Variants in TBX1 observed in about 807,000 individuals in gnomAD.
The protein encoded by TBX1 is T-box transcription factor TBX1.
In TBX1, 16 loss-of-function variants were observed where a neutral mutation model predicts 40.8. The ratio of observed to expected loss-of-function variants is 0.39; its 90% CI spans 0.27 to 0.60. TBX1 has a LOEUF of 0.60. Ranked by LOEUF, TBX1 falls within the 20% of genes least tolerant of loss-of-function variation. TBX1 has a pLI of 0.51. For synonymous variants in TBX1, 403 were observed against 336.8 expected (o/e 1.20, Z -2.15); for missense variants, 755 against 728.5 (o/e 1.04, Z -0.42).
At chr22:19,761,601 G>T (rs1253274663) in intron 1 of TBX1, among the ~76,000 whole-genome samples, 1 of 152,008 alleles carries the variant, frequency 6.6e-6, no homozygotes, top group East Asian at 1.9e-4. Context: ...CCAGAAACCG[G>T]CCCGGCTTGG....
chr22:19,766,063 G>T, intron 6 of TBX1, 61 bp downstream of exon 6: 1 of 1,352,498 alleles, frequency 7.4e-7, no homozygotes, highest in South Asian at 1.6e-5. Flanking sequence ...CCGGGCCGGC[G>T]GCCTCGCCCG....
intron 8 of TBX1, among the ~76,000 whole-genome samples, chr22:19,777,682 C>T (rs1317621449): frequency 6.6e-6 from 1 of 152,100 alleles, no homozygotes; most frequent in South Asian, 2.1e-4. Flanking sequence ...TCGTCTCCCC[C>T]TCTCCATCCT....
chr22:19,766,081 C>T, intron 6 of TBX1, 79 bp downstream of exon 6: 1 of 1,254,084 alleles, frequency 8.0e-7, no homozygotes, highest in Non-Finnish European at 1.0e-6. Flanking sequence ...CCGACCTCGC[C>T]TGCGCCCCCG....
rs375380772 is a variant in TBX1, at chr22:19,779,372, G to A, written c.1162G>A (p.Val388Met). 1.4e-4 allele frequency: 227 copies of A among 1,614,236 alleles called. No homozygotes were observed. The Middle Eastern group carries it at 2.3e-3, about 16-fold the overall frequency. ...CCAACCCTTCAATACCCAGGGCCTG[G>A]TGGCTGGGAGGACCGCAGGTGACCG... The change falls in exon 9 of 9, where the codon GTG becomes ATG. Residue 388 changes from valine (V) to methionine (M), a missense_variant. By Grantham distance (21) the Val-to-Met change is conservative. Transcript: ENST00000329705.
intron 2 of TBX1, 108 bp downstream of exon 2, chr22:19,763,450 AG>A: frequency 1.0e-6 from 1 of 993,968 alleles, no homozygotes; most frequent in South Asian, 1.4e-5. Flanking sequence ...GAAACTCTTT[AG>A]GCACCTGCGA....
intron 1 of TBX1, 74 bp from the exon 2 acceptor site, chr22:19,763,167 G>T: frequency 1.6e-6 from 2 of 1,256,692 alleles, no homozygotes; most frequent in Non-Finnish European, 2.3e-6. Flanking sequence ...GAGCAGAGGG[G>T]CCGCCAGCCC....
chr22:19,766,925 C>A lies in TBX1; in HGVS notation c.*58C>A, dbSNP rs914809647. 17 of 1,565,422 alleles carry A rather than the reference C, an allele frequency of 1.1e-5. No individual in the cohort carries two copies. In the African/African-American group the frequency reaches 1.4e-4, roughly 13 times the overall value. Reference sequence around the variant, plus strand: ...GCACAGCCCCGAAGTTCGCCGGGCCCGGCCACCCTGCCCCAAGGGCAAGCA... The same window carrying A: ...GCACAGCCCCGAAGTTCGCCGGGCCAGGCCACCCTGCCCCAAGGGCAAGCA... On this transcript the variant is annotated 3_prime_UTR_variant, in exon 7 of 7. Coordinates refer to ENST00000649276, the MANE Select transcript of TBX1 (RefSeq NM_001379200.1).
chr22:19,759,748 G>C (rs1936581545), upstream of TBX1: 1 of 1,563,614 alleles, frequency 6.4e-7, no homozygotes, highest in Admixed American at 1.7e-5. Context: ...TGGGGCCCGG[G>C]TGCAAAGTAG....
At chr22:19,765,875 C>A (rs1410336417) in intron 5 of TBX1, 27 bp from the exon 6 acceptor site, 1 of 1,553,386 alleles carries the variant, frequency 6.4e-7, no homozygotes, top group Non-Finnish European at 8.7e-7. Flanking sequence ...GGCGCAGGCG[C>A]CGCCCTGATC....
intron 8 of TBX1, among the ~76,000 whole-genome samples, chr22:19,772,339 T>C (rs551334636): frequency 6.6e-6 from 1 of 152,324 alleles, no homozygotes; most frequent in Non-Finnish European, 1.5e-5. Context: ...AGGGTCTTGC[T>C]CTGTTGCCCA....
At chr22:19,758,475 T>C (rs990030904), upstream of TBX1, among the ~76,000 whole-genome samples, 1 of 152,182 alleles carries the variant, frequency 6.6e-6, no homozygotes, top group Admixed American at 6.5e-5. Context: ...CCTTGGCGTC[T>C]GGGATGCCTG....
downstream of TBX1, among the ~76,000 whole-genome samples, chr22:19,768,767 C>G (rs894725214): frequency 5.3e-5 from 8 of 152,006 alleles, no homozygotes; most frequent in African/African-American, 1.9e-4. Context: ...GAGGAAAAGC[C>G]CTCCCCTGAA....
At position 19,772,723 on chromosome 22, in the gene TBX1, C is replaced by T. The variant is rs5746825; in HGVS notation, c.1010-6497C>T. Among the ~76,000 whole-genome samples the T allele has an allele frequency of 3.7e-4, 57 of 152,248 alleles. No homozygotes were observed. In the East Asian group the frequency reaches 0.011, roughly 29 times the overall value. On this transcript the variant is annotated intron_variant, in intron 8 of 8. Transcript: ENST00000329705. ...AGACAAGCTTTTTTTCTTGTGACAT[C>T]ATCACAGAACGAAGATGGTGACAGC...
upstream of TBX1, chr22:19,759,659 G>A (rs1314060449): frequency 1.2e-6 from 2 of 1,612,494 alleles, no homozygotes; most frequent in Admixed American, 1.7e-5. Context: ...CTTCAGCACC[G>A]TCACCAGGGA....
At chr22:19,774,868 G>A (rs554321738) in intron 8 of TBX1, among the ~76,000 whole-genome samples, 119 of 150,382 alleles carry the variant, frequency 7.9e-4, no homozygotes, top group African/African-American at 2.7e-3. Flanking sequence ...TCCATTTTGC[G>A]TTCATCTGGA....
In TBX1 at chr22:19,766,455, C is replaced by T. The variant is rs1157536437; in HGVS notation, c.1103C>T (p.Ala368Val). 1 of 1,328,030 alleles carries T rather than the reference C, an allele frequency of 7.5e-7. No individual in the cohort carries two copies. The highest frequency in any genetic ancestry group is 9.7e-7 in the Non-Finnish European group (1 of 1,031,826). The allele number at this position is 1,328,030 out of a possible 1,614,324, so 82.3% of individuals were successfully genotyped here. Residue 368 changes from alanine to valine, a missense_variant, in exon 7 of 7, where the codon GCG (alanine) becomes GTG (valine). Coordinates refer to ENST00000649276, the MANE Select transcript of TBX1 (RefSeq NM_001379200.1). ...GGGCCAGCAGTGCTCGGGGACCCGG[C>T]GCATCCTCCGCAGCTGCTGGCCCGG... is the stretch of plus-strand genomic sequence containing the variant. ...AGGPAVLGDP[A>V]HPPQLLARVL...
In TBX1 at chr22:19,766,402, C is replaced by T; in HGVS notation, c.1050C>T (p.Ala350=). The T allele has an allele frequency of 1.5e-6, 2 of 1,342,096 alleles. No homozygotes were observed. Among genetic ancestry groups the T allele is most frequent in the South Asian group, 1.8e-5 (1 of 56,918 alleles). The allele number at this position is 1,342,096 out of a possible 1,614,324, so 83.1% of individuals were successfully genotyped here. ...CCCTCTCCGCAGACGCGGCTGAGGC[C>T]CGGCGAGAATTCCAGCGCGACGCGG... ...PSGTEKDAAE[A]RREFQRDAGG... is the part of the protein sequence containing the mutation. Residue 350 remains alanine (A), a synonymous_variant, in exon 7 of 7, where the codon GCC becomes GCT. Transcript: ENST00000649276.
downstream of TBX1, among the ~76,000 whole-genome samples, chr22:19,780,022 A>T (rs5993827): frequency 0.026 from 3,990 of 152,298 alleles, 133 homozygotes; most frequent in African/African-American, 0.083. Flanking sequence ...TATTGTGTAA[A>T]CTTCTTACCA....
In TBX1 at chr22:19,766,558, C is replaced by G. The variant is rs780256549; in HGVS notation, c.1206C>G (p.Pro402=). Residue 402 remains proline (P), a synonymous_variant, in exon 7 of 7, where the codon CCC becomes CCG. Coordinates refer to ENST00000649276, the MANE Select transcript of TBX1 (RefSeq NM_001379200.1). ...TGCCCGGCGCGCCCGGAGGCCGGCC[C>G]AGTCCCCCGAACCCCGAGCTGCGCC... is the stretch of plus-strand genomic sequence containing the variant. ...VPLPGAPGGR[P]SPPNPELRLE... The G allele has an allele frequency of 7.1e-7, 1 of 1,416,202 alleles. No homozygotes were observed. The highest frequency in any genetic ancestry group is 9.2e-7 in the Non-Finnish European group (1 of 1,085,138). 87.7% of individuals were successfully genotyped at this position (1,416,202 alleles called of 1,614,324 possible). A position where few individuals can be genotyped will look rare whatever the true frequency, so the allele number is the denominator to read the frequency against.
Sources: gnomAD v4.1 joint callset for allele counts (sites outside exome capture counted in the v4.1 genomes callset) on GRCh38, gnomAD v4.1.1 for gene constraint, MANE v1.5 for transcripts, NCBI Gene and HGNC (gene_info 2026-07-23, HGNC 2026-07-21) for gene names.